CES5A: variants seen among roughly 807,000 people sequenced by gnomAD.
The protein encoded by CES5A is carboxylesterase 5.
In CES5A, 67 loss-of-function variants were observed where a neutral mutation model predicts 62.9. That is an observed-to-expected ratio of 1.07 (90% CI 0.88 to 1.31). CES5A has a LOEUF of 1.31. CES5A is among the 50% of genes most tolerant of loss of function. CES5A has a pLI of 0.00. For missense variants in CES5A, 748 were observed against 708.5 expected, an observed-to-expected ratio of 1.06 and a Z score of -0.63; for synonymous variants, 296 against 280.8, an observed-to-expected ratio of 1.05 and a Z score of -0.54.
In CES5A at chr16:55,875,308, T is replaced by A. The variant is rs1329702713; in HGVS notation, c.-87A>T. 1.3e-6 allele frequency: 2 copies of A among 1,566,784 alleles called. No homozygotes were observed. Among genetic ancestry groups the A allele is most frequent in the African/African-American group, 2.8e-5 (2 of 72,666 alleles). ...TTGGGAGCCAGAAAGAGCTTCCTGT[T>A]AACAGGCAAATGCTGAATAGGCAGG... is the stretch of plus-strand genomic sequence containing the variant. On this transcript the variant is annotated 5_prime_UTR_variant, in exon 1 of 13. Transcript: ENST00000290567.
chr16:55,909,569 T>TGCAC (rs1300682239), intron 1 of CES5A, among the ~76,000 whole-genome samples: 29 of 72,604 alleles, frequency 4.0e-4, no homozygotes, highest in Admixed American at 3.6e-3. Context: ...CGTGCGCACG[T>TGCAC]GCACACACAC....
intron 2 of CES5A, among the ~76,000 whole-genome samples, chr16:55,940,076 GA>G (rs1445257149): frequency 6.6e-6 from 1 of 151,374 alleles, no homozygotes; most frequent in Non-Finnish European, 1.5e-5. Context: ...AAACAAAACT[GA>G]AAAAAAGAAA....
Position 55,875,133 on chromosome 16 carries a change from C to A in CES5A, c.73+16G>T. Reference sequence around the variant, plus strand: ...CCCATCTTCTGAGAGCCCTCCTTTCCCATTGGATATCTCACCTTTGGTGGG... The same window carrying A: ...CCCATCTTCTGAGAGCCCTCCTTTCACATTGGATATCTCACCTTTGGTGGG... On this transcript the variant is annotated intron_variant, in intron 1 of 12. Transcript: ENST00000290567. The A allele has an allele frequency of 1.2e-6, 2 of 1,612,660 alleles. No individual in the cohort carries two copies. Among genetic ancestry groups the A allele is most frequent in the Non-Finnish European group, 1.7e-6 (2 of 1,178,608 alleles).
chr16:55,877,529 A>C (rs1490448719), upstream of CES5A, among the ~76,000 whole-genome samples: 1 of 152,022 alleles, frequency 6.6e-6, no homozygotes, highest in Non-Finnish European at 1.5e-5. Context: ...CCACAAAATC[A>C]GAATGCAAAG....
intron 1 of CES5A, among the ~76,000 whole-genome samples, chr16:55,915,150 C>A (rs367916598): frequency 4.6e-5 from 7 of 152,298 alleles, no homozygotes; most frequent in African/African-American, 1.4e-4. Flanking sequence ...ACCCCCACCC[C>A]CAAACACACA....
chr16:55,852,611 G>A (rs1319560061), intron 10 of CES5A, among the ~76,000 whole-genome samples: 1 of 152,156 alleles, frequency 6.6e-6, no homozygotes, highest in Non-Finnish European at 1.5e-5. Flanking sequence ...CTTGGGGATG[G>A]CGCCCAGAAA....
intron 4 of CES5A, among the ~76,000 whole-genome samples, chr16:55,866,884 A>G (rs1379495938): frequency 6.6e-6 from 1 of 151,900 alleles, no homozygotes; most frequent in Non-Finnish European, 1.5e-5. Context: ...AAAAACAATA[A>G]CAGCAGCTGC....
At chr16:55,870,492 G>A (rs1287985223) in intron 3 of CES5A, among the ~76,000 whole-genome samples, 1 of 152,172 alleles carries the variant, frequency 6.6e-6, no homozygotes, top group Non-Finnish European at 1.5e-5. Context: ...CCTGAGCTCA[G>A]GAGTTCAAGA....
At chr16:55,875,577 G>T, upstream of CES5A, among the ~76,000 whole-genome samples, 1 of 152,206 alleles carries the variant, frequency 6.6e-6, no homozygotes, top group Middle Eastern at 3.2e-3. Flanking sequence ...TTCCAGACCT[G>T]CCTGTGATGC....
chr16:55,862,997 A>T (rs1211571692), intron 6 of CES5A, among the ~76,000 whole-genome samples: 2 of 152,216 alleles, frequency 1.3e-5, no homozygotes, highest in African/African-American at 4.8e-5. Flanking sequence ...AATCTTTCTT[A>T]ACATAATGCC....
At chr16:55,916,952 C>A (rs1316420951) in intron 1 of CES5A, among the ~76,000 whole-genome samples, 1 of 152,190 alleles carries the variant, frequency 6.6e-6, no homozygotes, top group Non-Finnish European at 1.5e-5. Context: ...GCATAGACTT[C>A]TCTCCTTGAC....
chr16:55,912,556 A>G (rs2034105064), intron 1 of CES5A, among the ~76,000 whole-genome samples: 1 of 151,536 alleles, frequency 6.6e-6, no homozygotes, highest in Non-Finnish European at 1.5e-5. Context: ...AAGGAGAATG[A>G]GATGGATGAG....
At chr16:55,853,723 T>C (rs1432571239) in intron 9 of CES5A, among the ~76,000 whole-genome samples, 1 of 152,204 alleles carries the variant, frequency 6.6e-6, no homozygotes, top group East Asian at 1.9e-4. Flanking sequence ...CATTCGATGC[T>C]TCTCTGACCT....
Sources: gnomAD v4.1 joint callset for allele counts (sites outside exome capture counted in the v4.1 genomes callset) on GRCh38, gnomAD v4.1.1 for gene constraint, MANE v1.5 for transcripts, NCBI Gene and HGNC (gene_info 2026-07-23, HGNC 2026-07-21) for gene names.